CCDC107: variants seen among roughly 807,000 people sequenced by gnomAD.
The protein encoded by CCDC107 is coiled-coil domain-containing protein 107.
A neutral mutation model predicts 17.9 loss-of-function variants in CCDC107; 17 were observed. The observed-to-expected ratio is 0.95, with a 90% confidence interval of 0.65 to 1.42. The LOEUF (loss-of-function observed/expected upper bound fraction) is 1.42, where lower values mean the gene tolerates loss of function less well. Among genes scored for constraint, CCDC107 ranks in the 40% most tolerant of loss-of-function variants. The pLI is 0.00. For missense variants in CCDC107, 388 were observed against 360.1 expected, an observed-to-expected ratio of 1.08 and a Z score of -0.63; for synonymous variants, 170 against 157.2, an observed-to-expected ratio of 1.08 and a Z score of -0.61.
At position 35,661,337 on chromosome 9, in the gene CCDC107, C is replaced by T. The variant is rs1823936759; in HGVS notation, c.*150C>T. On this transcript the variant is annotated 3_prime_UTR_variant, in exon 5 of 5. Coordinates refer to ENST00000426546, the MANE Select transcript of CCDC107 (RefSeq NM_174923.3). ...GTGACAGCAGAGAAGATAGAGGGAGCTCCAGCTCTTTTCCTCGTATTCCTG... is the reference window on the plus strand; with the variant it reads ...GTGACAGCAGAGAAGATAGAGGGAGTTCCAGCTCTTTTCCTCGTATTCCTG... 1.7e-6 allele frequency: 1 copy of T among 571,466 alleles called. No homozygotes were observed. Among genetic ancestry groups the T allele is most frequent in the Non-Finnish European group, 3.0e-6 (1 of 331,978 alleles). The allele number at this position is 571,466 out of a possible 1,614,324, so 35.4% of individuals were successfully genotyped here.
intron 2 of CCDC107, 121 bp from the exon 3 acceptor site, chr9:35,660,280 G>A: frequency 2.5e-6 from 2 of 815,488 alleles, no homozygotes; most frequent in South Asian, 1.7e-5. Flanking sequence ...GATTCTCTGA[G>A]GTAAAAACCC....
chr9:35,660,457 G>A lies in CCDC107; in HGVS notation c.315G>A (p.Gln105=). 1 of 1,613,336 alleles carries A rather than the reference G, an allele frequency of 6.2e-7. No homozygotes were observed. Among genetic ancestry groups the A allele is most frequent in the Non-Finnish European group, 8.5e-7 (1 of 1,179,652 alleles). The stretch of plus-strand genomic sequence containing the variant: ...AGGCAAGCAAGCAGCAGCCACTGCA[G>A]TCAGGTGGGTTTAGCAGAAGTCTGT... ...HEEASKQQPL[Q]SEQQLAQLTQ... is the part of the protein sequence containing the mutation. Residue 105 remains glutamine, a synonymous_variant, in exon 3 of 5, where the codon CAG becomes CAA. Transcript: ENST00000426546.
At position 35,658,378 on chromosome 9, in the gene CCDC107, C is replaced by T. The variant is rs1314003136; in HGVS notation, c.-2C>T. ...CCCGATCCCTCCACCCGTGGGCCGG[C>T]AATGGCGGGCGCAGTTTCGCTCTTG... On this transcript the variant is annotated 5_prime_UTR_variant, in exon 1 of 5. Transcript: ENST00000426546. The T allele has an allele frequency of 7.2e-7, 1 of 1,390,680 alleles. No homozygotes were observed. Among genetic ancestry groups the T allele is most frequent in the East Asian group, 3.0e-5 (1 of 33,088 alleles). The allele number at this position is 1,390,680 out of a possible 1,614,324, so 86.1% of individuals were successfully genotyped here. A position where few individuals can be genotyped will look rare whatever the true frequency, so the allele number is the denominator to read the frequency against.
chr9:35,660,502 G>A (rs749777866), intron 3 of CCDC107, 41 bp downstream of exon 3: 3 of 1,613,242 alleles, frequency 1.9e-6, no homozygotes, highest in Non-Finnish European at 2.5e-6. Context: ...GGGGAGTTTA[G>A]GGGACAGCAG....
Position 35,658,677 on chromosome 9 carries a change from G to A in CCDC107, c.208G>A (p.Ala70Thr), listed in dbSNP as rs770935195. 6 of 1,571,934 alleles carry A rather than the reference G, an allele frequency of 3.8e-6. No individual in the cohort carries two copies. The highest frequency in any genetic ancestry group is 4.3e-6 in the Non-Finnish European group (5 of 1,165,424). ...CCGGGCCGGGTCGCTGCCTCTGGGG[G>A]CGCTGTACACCGCGGCCGTCGCGGC... is the stretch of plus-strand genomic sequence containing the variant. ...RTRAGSLPLGALYTAAVAAFV... is the reference protein window; with the variant it reads ...RTRAGSLPLGTLYTAAVAAFV... Residue 70 changes from alanine (A) to threonine (T), a missense_variant, in exon 2 of 5, where the codon GCG becomes ACG. Physicochemically the swap from Ala to Thr is moderately conservative, Grantham distance 58. Transcript: ENST00000426546.
chr9:35,660,352 G>A, intron 2 of CCDC107, 49 bp from the exon 3 acceptor site: 1 of 1,502,340 alleles, frequency 6.7e-7, no homozygotes, highest in Non-Finnish European at 9.0e-7. Flanking sequence ...TGAGGTGATG[G>A]AGCAGAACCT....
At chr9:35,659,949 A>C (rs1157520884) in intron 2 of CCDC107, 1 of 153,914 alleles carries the variant, frequency 6.5e-6, no homozygotes, top group Non-Finnish European at 1.4e-5. Flanking sequence ...GGTTCAAGCG[A>C]TTCTCCTGCC....
In CCDC107 at chr9:35,660,966, T is replaced by C; in HGVS notation, c.631T>C (p.Phe211Leu). The C allele has an allele frequency of 6.2e-7, 1 of 1,614,130 alleles. No individual in the cohort carries two copies. Residue 211 changes from phenylalanine (F) to leucine (L), a missense_variant, in exon 5 of 5, where the codon TTC becomes CTC. Coordinates refer to ENST00000426546, the MANE Select transcript of CCDC107 (RefSeq NM_174923.3). ...GGCCAGCAGACCTCTTCCTGAGGAC[T>C]TCTGTTTAAAGGAGGACGAGGAGGA... ...TEASRPLPEDFCLKEDEEEIG... is the reference protein window; with the variant it reads ...TEASRPLPEDLCLKEDEEEIG...
intron 2 of CCDC107, 193 bp downstream of exon 2, chr9:35,658,920 A>G: frequency 2.2e-6 from 1 of 447,312 alleles, no homozygotes; most frequent in Non-Finnish European, 3.9e-6. Flanking sequence ...CCAGGGAGGT[A>G]ACGGATGTGA....
In CCDC107 at chr9:35,658,398, C is replaced by G. The variant is rs1381404659; in HGVS notation, c.19C>G (p.Leu7Val). 2.1e-6 allele frequency: 3 copies of G among 1,421,090 alleles called. No homozygotes were observed. Among genetic ancestry groups the G allele is most frequent in the Non-Finnish European group, 2.8e-6 (3 of 1,085,218 alleles). 88.0% of individuals were successfully genotyped at this position (1,421,090 alleles called of 1,614,324 possible). ...GCCGGCAATGGCGGGCGCAGTTTCG[C>G]TCTTGGGTGTGGTGGGGCTGCTGCT... is the stretch of plus-strand genomic sequence containing the variant. MAGAVS[L>V]LGVVGLLLVS... The change falls in exon 1 of 5, where the codon CTC becomes GTC. Residue 7 changes from leucine to valine, a missense_variant. Leu to Val is a conservative substitution (Grantham distance 32). Transcript: ENST00000426546.
Position 35,658,405 on chromosome 9 carries a change from G to C in CCDC107, c.26G>C (p.Gly9Ala), listed in dbSNP as rs1823684769. The change falls in exon 1 of 5, where the codon GGT (glycine) becomes GCT (alanine). Residue 9 changes from glycine (G) to alanine (A), a missense_variant. Physicochemically the swap from Gly to Ala is moderately conservative, Grantham distance 60. Transcript: ENST00000426546. Reference protein sequence around the residue: MAGAVSLLGVVGLLLVSAL... With the variant: MAGAVSLLAVVGLLLVSAL... ...ATGGCGGGCGCAGTTTCGCTCTTGG[G>C]TGTGGTGGGGCTGCTGCTTGTGTCT... The C allele has an allele frequency of 2.8e-6, 4 of 1,434,038 alleles. No individual in the cohort carries two copies. The highest frequency in any genetic ancestry group is 3.7e-6 in the Non-Finnish European group (4 of 1,091,630). 88.8% of individuals were successfully genotyped at this position (1,434,038 alleles called of 1,614,324 possible).
chr9:35,658,487 T>C lies in CCDC107; in HGVS notation c.106+2T>C, dbSNP rs1177318580. 2 of 1,477,066 alleles carry C rather than the reference T, an allele frequency of 1.4e-6. No homozygotes were observed. Among genetic ancestry groups the C allele is most frequent in the East Asian group, 2.8e-5 (1 of 35,244 alleles). The allele number at this position is 1,477,066 out of a possible 1,614,324, so 91.5% of individuals were successfully genotyped here. A position where few individuals can be genotyped will look rare whatever the true frequency, so the allele number is the denominator to read the frequency against. On this transcript the variant is annotated splice_donor_variant, in intron 1 of 4. Transcript: ENST00000426546. LOFTEE classifies it high-confidence loss of function. ...ATCCCGACCTCCGGGCACACCCAGGTACCAGCTAGGGCTGCTGGAGGAGGG... is the reference window on the plus strand; with the variant it reads ...ATCCCGACCTCCGGGCACACCCAGGCACCAGCTAGGGCTGCTGGAGGAGGG...
Position 35,658,727 on chromosome 9 carries a change from G to C in CCDC107, c.258G>C (p.Gln86His), listed in dbSNP as rs1470284280. The C allele has an allele frequency of 6.7e-7, 1 of 1,498,270 alleles. No homozygotes were observed. The highest frequency in any genetic ancestry group is 1.2e-5 in the South Asian group (1 of 80,604). The allele number at this position is 1,498,270 out of a possible 1,614,324, so 92.8% of individuals were successfully genotyped here. ...CTTTTGTGCTGTACAAGTGTTTGCA[G>C]GTACGGGGCGGCCGGGGGTAGGGGT... ...VAAFVLYKCL[Q>H]GKDETAVLHE... is the part of the protein sequence containing the mutation. The change falls in exon 2 of 5, where the codon CAG becomes CAC. Residue 86 changes from glutamine (Q) to histidine (H), a missense_variant and splice_region_variant. Coordinates refer to ENST00000426546, the MANE Select transcript of CCDC107 (RefSeq NM_174923.3).
chr9:35,658,793 G>A (rs1241275179), intron 2 of CCDC107, 66 bp downstream of exon 2: 6 of 1,021,012 alleles, frequency 5.9e-6, no homozygotes, highest in Non-Finnish European at 8.3e-6. Flanking sequence ...GGGATCCCCT[G>A]AGCCCGAATC....
chr9:35,661,194 G>A lies in CCDC107; in HGVS notation c.*7G>A, dbSNP rs1270335063. ...ACAAAGTCTGTTTTCATGATGGAGT[G>A]CTCCTGTGTGTTTTTTCGATCCTAG... On this transcript the variant is annotated 3_prime_UTR_variant, in exon 5 of 5. Transcript: ENST00000426546. The A allele has an allele frequency of 1.3e-6, 2 of 1,577,784 alleles. No individual in the cohort carries two copies. Among genetic ancestry groups the A allele is most frequent in the South Asian group, 2.3e-5 (2 of 85,320 alleles).
chr9:35,658,760 C>G, intron 2 of CCDC107, 33 bp downstream of exon 2: 9 of 1,396,730 alleles, frequency 6.4e-6, no homozygotes, highest in Non-Finnish European at 8.6e-6. Flanking sequence ...GGTGCCCCTG[C>G]AGGTGCGGGA....
In CCDC107 at chr9:35,661,219, G is replaced by C; in HGVS notation, c.*32G>C. The C allele has an allele frequency of 1.3e-6, 2 of 1,534,242 alleles. No homozygotes were observed. The highest frequency in any genetic ancestry group is 1.8e-6 in the Non-Finnish European group (2 of 1,127,980). The stretch of plus-strand genomic sequence containing the variant: ...GCTCCTGTGTGTTTTTTCGATCCTA[G>C]TTGGTTGTACACACCCATACTAGGT... On this transcript the variant is annotated 3_prime_UTR_variant, in exon 5 of 5. Coordinates refer to ENST00000426546, the MANE Select transcript of CCDC107 (RefSeq NM_174923.3).
At position 35,658,359 on chromosome 9, in the gene CCDC107, C is replaced by A; in HGVS notation, c.-21C>A. The A allele has an allele frequency of 7.3e-7, 1 of 1,366,812 alleles. No homozygotes were observed. The highest frequency in any genetic ancestry group is 9.5e-7 in the Non-Finnish European group (1 of 1,057,860). The allele number at this position is 1,366,812 out of a possible 1,614,324, so 84.7% of individuals were successfully genotyped here. A position where few individuals can be genotyped will look rare whatever the true frequency, so the allele number is the denominator to read the frequency against. On this transcript the variant is annotated 5_prime_UTR_variant, in exon 1 of 5. Transcript: ENST00000426546. ...ACCGCTTCGGCACCGCCCGCCCGAT[C>A]CCTCCACCCGTGGGCCGGCAATGGC...
chr9:35,660,375 A>T (rs762249879), intron 2 of CCDC107, 26 bp from the exon 3 acceptor site: 3 of 1,569,142 alleles, frequency 1.9e-6, no homozygotes, highest in Non-Finnish European at 1.7e-6. Context: ...TTGCTTCAGT[A>T]CTGCCCTTTC....
Sources: gnomAD v4.1 joint callset for allele counts on GRCh38, gnomAD v4.1.1 for gene constraint, MANE v1.5 for transcripts, NCBI Gene and HGNC (gene_info 2026-07-23, HGNC 2026-07-21) for gene names.